KIAA1217: variants seen among roughly 807,000 people sequenced by gnomAD.
The protein encoded by KIAA1217 is sickle tail protein homolog.
A neutral mutation model predicts 163.9 loss-of-function variants in KIAA1217; 88 were observed. That is an observed-to-expected ratio of 0.54 (90% CI 0.45 to 0.64). The LOEUF is 0.64. Among genes scored for constraint, KIAA1217 ranks in the 30% least tolerant of loss-of-function variants. The pLI is 0.00. For missense variants in KIAA1217, 2,372 were observed against 2,475.0 expected, an observed-to-expected ratio of 0.96 and a Z score of 0.88; for synonymous variants, 903 against 923.1, an observed-to-expected ratio of 0.98 and a Z score of 0.39.
At chr10:23,805,839 C>A (rs1260423048) in intron 1 of KIAA1217, among the ~76,000 whole-genome samples, 2 of 151,404 alleles carry the variant, frequency 1.3e-5, no homozygotes, top group African/African-American at 4.9e-5. Flanking sequence ...CATAGTGAAA[C>A]CCCATCTCTA....
intron 11 of KIAA1217, among the ~76,000 whole-genome samples, chr10:24,520,874 C>A (rs1199405377): frequency 6.8e-6 from 1 of 147,130 alleles, no homozygotes; most frequent in African/African-American, 2.5e-5. Flanking sequence ...AAATAAAAAA[C>A]AAAAAATAAA....
intron 2 of KIAA1217, among the ~76,000 whole-genome samples, chr10:24,088,262 T>C (rs192217067): frequency 4.0e-5 from 4 of 100,260 alleles, no homozygotes; most frequent in African/African-American, 1.5e-4. Context: ...TATACATATA[T>C]ATATATATAT....
At chr10:24,356,616 C>A (rs1309069141) in intron 2 of KIAA1217, among the ~76,000 whole-genome samples, 2 of 152,228 alleles carry the variant, frequency 1.3e-5, no homozygotes, top group African/African-American at 4.8e-5. Flanking sequence ...TCATGAGGCA[C>A]AACCCACAGG....
intron 2 of KIAA1217, among the ~76,000 whole-genome samples, chr10:24,298,524 G>A (rs931985508): frequency 6.6e-6 from 1 of 152,228 alleles, no homozygotes; most frequent in African/African-American, 2.4e-5. Flanking sequence ...CGAGCCGGGC[G>A]CAGTGGCTCA....
intron 1 of KIAA1217, among the ~76,000 whole-genome samples, chr10:23,745,264 T>G (rs1839337431): frequency 6.6e-6 from 1 of 152,228 alleles, no homozygotes; most frequent in Non-Finnish European, 1.5e-5. Context: ...GCTTAATAAA[T>G]ATTTTATAAA....
At chr10:23,880,579 C>T (rs1040370307) in intron 1 of KIAA1217, among the ~76,000 whole-genome samples, 2 of 151,796 alleles carry the variant, frequency 1.3e-5, no homozygotes, top group African/African-American at 4.8e-5. Context: ...TTTAATTGTT[C>T]ATTGAAAAAT....
chr10:23,878,614 G>A (rs1840812623), intron 1 of KIAA1217, among the ~76,000 whole-genome samples: 1 of 151,930 alleles, frequency 6.6e-6, no homozygotes, highest in African/African-American at 2.4e-5. Context: ...CCAGGCATGA[G>A]GATAAGACAT....
intron 2 of KIAA1217, chr10:24,158,234 C>T (rs748616444): frequency 5.9e-5 from 43 of 728,472 alleles, no homozygotes; most frequent in Middle Eastern, 7.2e-4. Flanking sequence ...GGGCAAAGTA[C>T]GTTTAGTCCA....
intron 2 of KIAA1217, among the ~76,000 whole-genome samples, chr10:24,201,737 G>A (rs1344232041): frequency 6.6e-6 from 1 of 152,136 alleles, no homozygotes; most frequent in Non-Finnish European, 1.5e-5. Flanking sequence ...CTGAGGTGGG[G>A]AGAGAAAAAT....
At chr10:23,897,339 A>G (rs1841751270) in intron 1 of KIAA1217, among the ~76,000 whole-genome samples, 1 of 152,058 alleles carries the variant, frequency 6.6e-6, no homozygotes, top group African/African-American at 2.4e-5. Context: ...GTCTGGCATC[A>G]TTGGAATTGT....
intron 1 of KIAA1217, among the ~76,000 whole-genome samples, chr10:23,948,915 T>C (rs575049946): frequency 1.3e-5 from 2 of 152,274 alleles, no homozygotes; most frequent in South Asian, 2.1e-4. Context: ...TAAAATATAC[T>C]CACTTCTGTA....
At chr10:23,888,081 C>T (rs1426973913) in intron 1 of KIAA1217, among the ~76,000 whole-genome samples, 5 of 151,794 alleles carry the variant, frequency 3.3e-5, no homozygotes, top group Admixed American at 2.0e-4. Flanking sequence ...ATTTGCAAAA[C>T]GGAATACAGT....
chr10:24,371,551 A>G (rs1486618646), intron 2 of KIAA1217, among the ~76,000 whole-genome samples: 2 of 152,210 alleles, frequency 1.3e-5, no homozygotes, highest in African/African-American at 4.8e-5. Flanking sequence ...CGCTTTTCTT[A>G]ACTGTATCGT....
chr10:24,500,313 C>G (rs2067389382), intron 8 of KIAA1217, among the ~76,000 whole-genome samples: 1 of 147,870 alleles, frequency 6.8e-6, no homozygotes, highest in African/African-American at 2.5e-5. Context: ...AGCCTTTACT[C>G]CAGAACAGTG....
At chr10:24,158,232 T>C (rs1383075090) in intron 2 of KIAA1217, 2 of 730,172 alleles carry the variant, frequency 2.7e-6, no homozygotes, top group Non-Finnish European at 5.2e-6. Flanking sequence ...CAGGGCAAAG[T>C]ACGTTTAGTC....
intron 1 of KIAA1217, among the ~76,000 whole-genome samples, chr10:23,859,244 G>T (rs1839846688): frequency 6.6e-6 from 1 of 152,124 alleles, no homozygotes; most frequent in African/African-American, 2.4e-5. Context: ...GGAACCTCTG[G>T]ACTACACAGT....
chr10:24,495,217 C>A (rs765716276), intron 8 of KIAA1217, 21 bp downstream of exon 8: 1 of 1,606,348 alleles, frequency 6.2e-7, no homozygotes, highest in Non-Finnish European at 8.5e-7. Context: ...GTTTTTGGAG[C>A]TGTAGGAGGC....
At chr10:23,882,707 T>A (rs1459057478) in intron 1 of KIAA1217, among the ~76,000 whole-genome samples, 1 of 151,944 alleles carries the variant, frequency 6.6e-6, no homozygotes, top group Non-Finnish European at 1.5e-5. Flanking sequence ...GGAATTACTC[T>A]CAGCAATGTT....
At chr10:23,703,780 CA>C (rs147885793) in intron 1 of KIAA1217, among the ~76,000 whole-genome samples, 7,655 of 152,072 alleles carry the variant, frequency 0.05, 524 homozygotes, top group African/African-American at 0.15. Flanking sequence ...AGGTATAGAT[CA>C]GGGGGTCAGC....
Sources: allele counts gnomAD v4.1 joint callset (sites outside exome capture counted in the v4.1 genomes callset), GRCh38; gene constraint gnomAD v4.1.1; transcripts MANE v1.5; gene names NCBI Gene and HGNC (gene_info 2026-07-23, HGNC 2026-07-21).